Variants in APIP observed in about 807,000 individuals in gnomAD.
APIP encodes the protein methylthioribulose-1-phosphate dehydratase.
A neutral mutation model predicts 32.0 loss-of-function variants in APIP; 32 were observed. That is an observed-to-expected ratio of 1.00 (90% CI 0.76 to 1.34). APIP has a LOEUF of 1.34. APIP is among the 40% of genes most tolerant of loss of function. APIP has a pLI of 0.00. For synonymous variants in APIP, 92 were observed against 94.8 expected, an observed-to-expected ratio of 0.97 and a Z score of 0.17; for missense variants, 247 against 298.6, an observed-to-expected ratio of 0.83 and a Z score of 1.27.
intron 3 of APIP, 117 bp downstream of exon 3, chr11:34,890,387 G>T: frequency 2.2e-6 from 2 of 921,456 alleles, no homozygotes; most frequent in South Asian, 1.7e-5. Context: ...AATGTTTGCT[G>T]ATTAGTTATT....
chr11:34,889,793 T>C (rs1016058246), intron 3 of APIP, among the ~76,000 whole-genome samples: 5 of 152,142 alleles, frequency 3.3e-5, no homozygotes, highest in Non-Finnish European at 7.4e-5. Context: ...GCTCCACTCA[T>C]GTTGCTGCAA....
intron 1 of APIP, among the ~76,000 whole-genome samples, chr11:34,902,324 G>A (rs1167901757): frequency 6.6e-6 from 1 of 152,198 alleles, no homozygotes; most frequent in African/African-American, 2.4e-5. Flanking sequence ...TCATCCTCAA[G>A]TTAGGGTCTT....
chr11:34,891,395 CA>C (rs1315587279), intron 2 of APIP, among the ~76,000 whole-genome samples: 1 of 152,132 alleles, frequency 6.6e-6, no homozygotes, highest in Non-Finnish European at 1.5e-5. Context: ...GATAACTTAC[CA>C]GTTTCAGTTG....
chr11:34,887,892 T>C (rs1212265886), intron 5 of APIP, among the ~76,000 whole-genome samples: 3 of 152,134 alleles, frequency 2.0e-5, no homozygotes, highest in Non-Finnish European at 1.5e-5. Context: ...TATGAAAATA[T>C]TCCAGAAATA....
intron 2 of APIP, among the ~76,000 whole-genome samples, chr11:34,894,010 C>G (rs1443039947): frequency 1.3e-5 from 2 of 152,090 alleles, no homozygotes; most frequent in African/African-American, 4.8e-5. Flanking sequence ...CAATAATATT[C>G]CTAACACATT....
chr11:34,888,019 A>C (rs1012964146), intron 5 of APIP, among the ~76,000 whole-genome samples: 2 of 152,180 alleles, frequency 1.3e-5, no homozygotes, highest in Admixed American at 1.3e-4. Context: ...TTCCATCATG[A>C]TAGAGATCTC....
At chr11:34,909,460 G>A (rs1233362123) in intron 1 of APIP, among the ~76,000 whole-genome samples, 2 of 152,122 alleles carry the variant, frequency 1.3e-5, no homozygotes, top group Non-Finnish European at 2.9e-5. Flanking sequence ...ACGCAGTCAA[G>A]GAAGGCCTCT....
Position 34,886,692 on chromosome 11 carries a change from A to AT in APIP, c.461+1600dup, listed in dbSNP as rs891519234. ...TGCCACTTTTTACCTTTTACATCAT[A>AT]TTTTTTTTTTACCAAACCTTTTCTA... On this transcript the variant is annotated intron_variant, in intron 5 of 6. Transcript: ENST00000395787. 9.0e-4 allele frequency among the ~76,000 whole-genome samples: 134 copies of AT among 149,438 alleles called. 3 individuals are homozygous for AT. The highest frequency in any genetic ancestry group is 2.6e-3 in the African/African-American group (105 of 40,822).
intron 5 of APIP, 83 bp from the exon 6 acceptor site, chr11:34,883,587 C>T: frequency 7.1e-7 from 1 of 1,414,624 alleles, no homozygotes; most frequent in South Asian, 1.4e-5. Context: ...TTTCAAGTAA[C>T]CAGTTAGACA....
intron 1 of APIP, chr11:34,896,816 T>C (rs1229896481): frequency 3.9e-6 from 5 of 1,288,148 alleles, no homozygotes; most frequent in Non-Finnish European, 5.1e-6. Context: ...TGCAAAACTC[T>C]GGTGACCTTG....
chr11:34,883,715 TA>T (rs1565131402), intron 5 of APIP, among the ~76,000 whole-genome samples: 5 of 152,196 alleles, frequency 3.3e-5, no homozygotes, highest in Non-Finnish European at 5.9e-5. Flanking sequence ...AGGCTTGGTC[TA>T]ATCCTAAGCC....
chr11:34,902,052 G>A (rs888036675), intron 1 of APIP, among the ~76,000 whole-genome samples: 7 of 152,206 alleles, frequency 4.6e-5, no homozygotes, highest in African/African-American at 1.7e-4. Context: ...TAATGAAGCT[G>A]TAGTTCCAAT....
intron 4 of APIP, 136 bp from the exon 5 acceptor site, chr11:34,888,564 G>T: frequency 1.5e-6 from 2 of 1,326,440 alleles, no homozygotes; most frequent in Non-Finnish European, 1.0e-6. Flanking sequence ...TAAGTTGGTA[G>T]TAGGCAGGAG....
intron 1 of APIP, among the ~76,000 whole-genome samples, chr11:34,897,667 G>T (rs907112431): frequency 6.6e-6 from 1 of 151,986 alleles, no homozygotes; most frequent in African/African-American, 2.4e-5. Flanking sequence ...GCAAATGCCA[G>T]CCATTAGAAA....
chr11:34,896,304 A>G (rs1853269771), intron 1 of APIP, among the ~76,000 whole-genome samples: 1 of 152,246 alleles, frequency 6.6e-6, no homozygotes, highest in African/African-American at 2.4e-5. Context: ...TTACAATAGC[A>G]AAGACTTGGA....
intron 5 of APIP, 141 bp from the exon 6 acceptor site, chr11:34,883,645 C>T (rs1372542370): frequency 1.7e-5 from 13 of 770,672 alleles, no homozygotes; most frequent in African/African-American, 1.4e-4. Context: ...CAGGATGTTG[C>T]GTGTTATTCT....
At position 34,888,801 on chromosome 11, in the gene APIP, T is replaced by A. The variant is rs1319647258; in HGVS notation, c.276A>T (p.Leu92=). The part of the protein sequence containing the change: ...DISGPSPSKK[L]KKSQCTPLFM... Reference sequence around the variant, plus strand: ...AAAGAGGAGTACACTGGCTTTTTTTTAGCTTCTTCGATGGCGAAGGTCCAC... The same window carrying A: ...AAAGAGGAGTACACTGGCTTTTTTTAAGCTTCTTCGATGGCGAAGGTCCAC... The change falls in exon 4 of 7, where the codon CTA becomes CTT. Residue 92 remains leucine (L), a synonymous_variant. Coordinates refer to ENST00000395787, the MANE Select transcript of APIP (RefSeq NM_015957.4). 4 of 1,520,890 alleles carry A rather than the reference T, an allele frequency of 2.6e-6. No individual in the cohort carries two copies. The African/African-American group carries it at 5.9e-5, about 22-fold the overall frequency. The allele number at this position is 1,520,890 out of a possible 1,614,324, so 94.2% of individuals were successfully genotyped here. A position where few individuals can be genotyped will look rare whatever the true frequency, so the allele number is the denominator to read the frequency against.
chr11:34,913,455 G>C lies in APIP; in HGVS notation c.57+2773C>G, dbSNP rs1240113497. On this transcript the variant is annotated intron_variant, in intron 1 of 6. Coordinates refer to ENST00000395787, the MANE Select transcript of APIP (RefSeq NM_015957.4). ...GGGTTCGTGGTCTTGCTGACTTCAG[G>C]AGTGAAGCTGCAGACTTTCACAGTG... Among the ~76,000 whole-genome samples, 4 of 152,140 alleles carry C rather than the reference G, an allele frequency of 2.6e-5. No individual in the cohort carries two copies. The East Asian group carries it at 7.7e-4, about 29-fold the overall frequency.
rs751280108 is a variant in APIP, at chr11:34,888,328, T to C, written c.426A>G (p.Lys142=). The change falls in exon 5 of 7, where the codon AAA becomes AAG. Residue 142 remains lysine, a synonymous_variant. Coordinates refer to ENST00000395787, the MANE Select transcript of APIP (RefSeq NM_015957.4). ...CTCCGGAAGTACATTTCTTTATTCC[T>C]TTTATCATCTCTTGATGTGTAATTT... The part of the protein sequence containing the change: ...EFKITHQEMI[K]GIKKCTSGGY... 5.0e-6 allele frequency: 8 copies of C among 1,607,720 alleles called. No homozygotes were observed. In the Admixed American group the frequency reaches 8.5e-5, roughly 17 times the overall value.
Sources: allele counts gnomAD v4.1 joint callset (sites outside exome capture counted in the v4.1 genomes callset), GRCh38; gene constraint gnomAD v4.1.1; transcripts MANE v1.5; gene names NCBI Gene and HGNC (gene_info 2026-07-23, HGNC 2026-07-21).